CACHD1: variants seen among roughly 807,000 people sequenced by gnomAD.
CACHD1 encodes the protein cache domain containing 1, also known as VWFA and cache domain-containing protein 1.
A neutral mutation model predicts 138.7 loss-of-function variants in CACHD1; 71 were observed. The ratio of observed to expected loss-of-function variants is 0.51; its 90% CI spans 0.42 to 0.62. CACHD1 has a LOEUF of 0.62. Ranked by LOEUF, CACHD1 falls within the 20% of genes least tolerant of loss-of-function variation. The pLI is 0.00. For synonymous variants in CACHD1, 578 were observed against 591.5 expected (o/e 0.98, Z 0.33); for missense variants, 1,389 against 1,625.3 (o/e 0.85, Z 2.50).
chr1:64,576,317 C>G (rs1370283633), intron 2 of CACHD1, among the ~76,000 whole-genome samples: 1 of 152,080 alleles, frequency 6.6e-6, no homozygotes, highest in Non-Finnish European at 1.5e-5. Context: ...AGGATACAGA[C>G]CCAGAATCTG....
intron 1 of CACHD1, among the ~76,000 whole-genome samples, chr1:64,523,993 A>G (rs1253937532): frequency 6.6e-6 from 1 of 151,842 alleles, no homozygotes; most frequent in Non-Finnish European, 1.5e-5. Flanking sequence ...AGGTGACTAA[A>G]GCTTTCAGAA....
At chr1:64,526,765 G>T (rs1570332890) in intron 1 of CACHD1, among the ~76,000 whole-genome samples, 2 of 152,336 alleles carry the variant, frequency 1.3e-5, no homozygotes, top group South Asian at 4.1e-4. Context: ...GAGAGTCTCA[G>T]CTCTTGCTGG....
At chr1:64,518,963 A>G (rs1176594214) in intron 1 of CACHD1, among the ~76,000 whole-genome samples, 1 of 151,988 alleles carries the variant, frequency 6.6e-6, no homozygotes, top group Non-Finnish European at 1.5e-5. Flanking sequence ...GTGCCTTCCA[A>G]CCTTAGTGGT....
rs1649974635 is a variant in CACHD1, at chr1:64,675,994, TAATAATAATAATAATAA to T, written c.2975+12_2975+28del. 1.0e-4 allele frequency: 2 copies of T among 19,178 alleles called. No individual in the cohort carries two copies. The highest frequency in any genetic ancestry group is 1.4e-4 in the Non-Finnish European group (2 of 13,842). 1.2% of individuals were successfully genotyped at this position (19,178 alleles called of 1,614,324 possible). On this transcript the variant is annotated intron_variant, in intron 21 of 26. Transcript: ENST00000651257. The stretch of plus-strand genomic sequence containing the variant: ...CAATGCAGAGAACCGGTAAAATAAT[TAATAATAATAATAATAA>T]TAATAATAATAATAATAATAATAAT...
At chr1:64,573,565 A>G (rs1020330532) in intron 2 of CACHD1, among the ~76,000 whole-genome samples, 6 of 152,226 alleles carry the variant, frequency 3.9e-5, no homozygotes, top group Admixed American at 1.3e-4. Flanking sequence ...GATTGGCTTG[A>G]ACCAGATATG....
chr1:64,599,220 A>C (rs1484799830), intron 3 of CACHD1, among the ~76,000 whole-genome samples: 3 of 152,212 alleles, frequency 2.0e-5, no homozygotes, highest in African/African-American at 4.8e-5. Context: ...CAAATGGACG[A>C]AGACAATTGA....
chr1:64,493,582 C>A (rs576049576), intron 1 of CACHD1, among the ~76,000 whole-genome samples: 5 of 152,306 alleles, frequency 3.3e-5, no homozygotes, highest in African/African-American at 1.2e-4. Flanking sequence ...TGGCCCATAG[C>A]TGGACAATAT....
intron 1 of CACHD1, among the ~76,000 whole-genome samples, chr1:64,504,636 T>C (rs1646357879): frequency 1.3e-5 from 2 of 152,216 alleles, no homozygotes; most frequent in Admixed American, 1.3e-4. Flanking sequence ...GAAATTCTAC[T>C]ATATTTAGGA....
At chr1:64,660,765 G>A (rs1296901324) in intron 13 of CACHD1, among the ~76,000 whole-genome samples, 1 of 152,004 alleles carries the variant, frequency 6.6e-6, no homozygotes, top group Non-Finnish European at 1.5e-5. Flanking sequence ...CCTGACCTCA[G>A]GTGATCCTCC....
chr1:64,479,833 T>A (rs553174273), intron 1 of CACHD1, among the ~76,000 whole-genome samples: 1 of 152,230 alleles, frequency 6.6e-6, no homozygotes, highest in Admixed American at 6.5e-5. Context: ...AGTGTTTGAG[T>A]TGGGAACTAG....
chr1:64,685,847 C>CA (rs371274505), intron 26 of CACHD1, among the ~76,000 whole-genome samples: 4,705 of 120,612 alleles, frequency 0.039, 260 homozygotes, highest in African/African-American at 0.13. Flanking sequence ...AGGGCTGTCT[C>CA]AAAAAAAAAA....
At chr1:64,663,482 C>T (rs1245009544) in intron 13 of CACHD1, among the ~76,000 whole-genome samples, 2 of 146,376 alleles carry the variant, frequency 1.4e-5, no homozygotes, top group Non-Finnish European at 3.0e-5. Flanking sequence ...ACCCAGGAGG[C>T]GGAGTTTGCA....
intron 1 of CACHD1, among the ~76,000 whole-genome samples, chr1:64,499,641 C>T (rs1303316043): frequency 2.0e-5 from 3 of 152,178 alleles, no homozygotes; most frequent in African/African-American, 7.2e-5. Context: ...GACAACAGAG[C>T]CTAACAGTAT....
chr1:64,585,198 A>G (rs948509589), intron 3 of CACHD1, among the ~76,000 whole-genome samples: 1 of 152,232 alleles, frequency 6.6e-6, no homozygotes, highest in Non-Finnish European at 1.5e-5. Flanking sequence ...TCAGACATAC[A>G]TACACACATG....
Position 64,542,483 on chromosome 1 carries a change from TCTC to T in CACHD1, c.199-8107_199-8105del, listed in dbSNP as rs564098288. ...CAAACATAAGCCTCTGAATTTATTT[TCTC>T]CTCAGAAAGCTCTTGAGGTGGTGTA... is the stretch of plus-strand genomic sequence containing the variant. On this transcript the variant is annotated intron_variant, in intron 1 of 26. Transcript: ENST00000651257. 1.2e-3 allele frequency among the ~76,000 whole-genome samples: 183 copies of T among 152,302 alleles called. 1 individual carries two copies. The highest frequency in any genetic ancestry group is 4.3e-3 in the African/African-American group (178 of 41,568).
intron 14 of CACHD1, 71 bp from the exon 15 acceptor site, chr1:64,664,427 A>G: frequency 6.8e-7 from 1 of 1,462,218 alleles, no homozygotes; most frequent in East Asian, 2.3e-5. Context: ...CTTTGGGAAC[A>G]CTGCCAGCAG....
Position 64,470,363 on chromosome 1 carries a change from G to C in CACHD1, c.-382G>C, listed in dbSNP as rs1646135097. Among the ~76,000 whole-genome samples the C allele has an allele frequency of 6.6e-6, 1 of 151,724 alleles. No individual in the cohort carries two copies. Among genetic ancestry groups the C allele is most frequent in the African/African-American group, 2.4e-5 (1 of 41,386 alleles). ...CTGGGACTCGCAGGAAGCGAGAGCCGCGCGGCTCGGCTCGGGCTCCGACTC... is the reference window on the plus strand; with the variant it reads ...CTGGGACTCGCAGGAAGCGAGAGCCCCGCGGCTCGGCTCGGGCTCCGACTC... On this transcript the variant is annotated 5_prime_UTR_variant, in exon 1 of 27. Transcript: ENST00000651257. This position sits in a 1 kb window ranked among gnomAD's most constrained non-coding sequence, Gnocchi z 5.2.
At chr1:64,530,839 C>T (rs1274000041) in intron 1 of CACHD1, among the ~76,000 whole-genome samples, 3 of 150,726 alleles carry the variant, frequency 2.0e-5, no homozygotes, top group Non-Finnish European at 3.0e-5. Context: ...CCACTGCACT[C>T]CAGCCTGGGC....
intron 13 of CACHD1, among the ~76,000 whole-genome samples, chr1:64,660,907 G>A (rs186219729): frequency 8.8e-4 from 134 of 152,236 alleles, no homozygotes; most frequent in African/African-American, 3.0e-3. Context: ...TGGACAGCAA[G>A]CACTGCCTCA....
Sources: gnomAD v4.1 joint callset for allele counts (sites outside exome capture counted in the v4.1 genomes callset) on GRCh38, gnomAD v4.1.1 for gene constraint, Gnocchi (gnomAD v3.1) non-coding constraint, MANE v1.5 for transcripts, NCBI Gene and HGNC (gene_info 2026-07-23, HGNC 2026-07-21) for gene names.